EBF2: variants seen among roughly 807,000 people sequenced by gnomAD.
EBF2 encodes EBF transcription factor 2.
Under a neutral mutation model 72.8 loss-of-function variants are expected in EBF2, and 21 were observed. That is an observed-to-expected ratio of 0.29 (90% confidence interval 0.20 to 0.42). The LOEUF is 0.42. Among genes scored for constraint, EBF2 ranks in the 10% least tolerant of loss-of-function variants. EBF2 has a pLI of 1.00. For missense variants in EBF2, 637 were observed against 731.2 expected, an observed-to-expected ratio of 0.87 and a Z score of 1.49; for synonymous variants, 299 against 274.2, an observed-to-expected ratio of 1.09 and a Z score of -0.89.
intron 15 of EBF2, among the ~76,000 whole-genome samples, chr8:25,849,006 G>C (rs1019682489): frequency 5.9e-5 from 9 of 152,192 alleles, no homozygotes; most frequent in African/African-American, 2.2e-4. Flanking sequence ...CTAAGGATGG[G>C]ATGGAAACCA....
At chr8:25,903,821 G>A (rs1010369388) in intron 7 of EBF2, among the ~76,000 whole-genome samples, 3 of 152,230 alleles carry the variant, frequency 2.0e-5, no homozygotes, top group Non-Finnish European at 2.9e-5. Context: ...AATGAAAGAG[G>A]AGGGAATGAA....
At chr8:25,882,281 G>A (rs1430322819) in intron 10 of EBF2, among the ~76,000 whole-genome samples, 1 of 152,140 alleles carries the variant, frequency 6.6e-6, no homozygotes, top group African/African-American at 2.4e-5. Context: ...CCACAGCCCC[G>A]TCGCATGCCC....
chr8:25,856,224 G>A (rs1296122320), intron 14 of EBF2, among the ~76,000 whole-genome samples: 1 of 151,720 alleles, frequency 6.6e-6, no homozygotes, highest in African/African-American at 2.4e-5. Flanking sequence ...TCATTTTTAT[G>A]TACAAAAACA....
chr8:26,003,223 T>C (rs1159529479), intron 6 of EBF2, among the ~76,000 whole-genome samples: 1 of 152,178 alleles, frequency 6.6e-6, no homozygotes, highest in Non-Finnish European at 1.5e-5. Flanking sequence ...TATTGGGAAC[T>C]GAGCCTCTGG....
chr8:25,984,139 A>G (rs1006437194), intron 6 of EBF2, among the ~76,000 whole-genome samples: 4 of 152,184 alleles, frequency 2.6e-5, no homozygotes, highest in Admixed American at 2.0e-4. Context: ...GAATCCAAAT[A>G]AATTATTTCC....
chr8:25,978,753 T>C (rs1804308654), intron 6 of EBF2, among the ~76,000 whole-genome samples: 1 of 152,172 alleles, frequency 6.6e-6, no homozygotes, highest in African/African-American at 2.4e-5. Flanking sequence ...CATGGAGTAG[T>C]ATCAAATGCT....
At chr8:25,864,208 G>T (rs1257287678) in intron 10 of EBF2, among the ~76,000 whole-genome samples, 1 of 152,062 alleles carries the variant, frequency 6.6e-6, no homozygotes, top group Admixed American at 6.6e-5. Context: ...CACTCCTCAG[G>T]AGAATGTATG....
chr8:26,031,236 G>A (rs80236911), intron 6 of EBF2, among the ~76,000 whole-genome samples: 258 of 152,104 alleles, frequency 1.7e-3, no homozygotes, highest in African/African-American at 5.9e-3. Flanking sequence ...TCCACAGGCC[G>A]GAAAGGACAG....
chr8:25,982,029 C>G (rs936860012), intron 6 of EBF2, among the ~76,000 whole-genome samples: 2 of 152,076 alleles, frequency 1.3e-5, no homozygotes, highest in African/African-American at 4.8e-5. Flanking sequence ...CAAAAGGTAC[C>G]TAGCTGCATT....
chr8:26,027,373 A>G (rs563503186), intron 6 of EBF2, among the ~76,000 whole-genome samples: 1 of 152,218 alleles, frequency 6.6e-6, no homozygotes, highest in South Asian at 2.1e-4. Context: ...AGGGCCAATG[A>G]CAAGCCTGGA....
chr8:25,925,789 G>T (rs188505635), intron 6 of EBF2, among the ~76,000 whole-genome samples: 1 of 152,080 alleles, frequency 6.6e-6, no homozygotes, highest in East Asian at 1.9e-4. Context: ...CTTCACAGCC[G>T]ATCTGGGGCA....
chr8:26,005,561 T>TAGAGAGAGAGAGAGAGAGAG (rs1554481009), intron 6 of EBF2, among the ~76,000 whole-genome samples: 156 of 63,784 alleles, frequency 2.4e-3, no homozygotes, highest in Non-Finnish European at 3.0e-3. Flanking sequence ...TATATATATA[T>TAGAGAGAGAGAGAGAGAGAG]AGAGAGAGAG....
chr8:25,958,370 A>G (rs899938645), intron 6 of EBF2, among the ~76,000 whole-genome samples: 2 of 151,632 alleles, frequency 1.3e-5, no homozygotes, highest in Non-Finnish European at 2.9e-5. Flanking sequence ...CTAAACATAA[A>G]TGCACCTCCA....
intron 10 of EBF2, among the ~76,000 whole-genome samples, chr8:25,874,533 C>T (rs1371904903): frequency 1.3e-5 from 2 of 152,074 alleles, no homozygotes; most frequent in East Asian, 3.9e-4. Context: ...ATGTAGACCT[C>T]TAAGTTCTCT....
chr8:26,019,311 G>A (rs572554775), intron 6 of EBF2, among the ~76,000 whole-genome samples: 18 of 148,218 alleles, frequency 1.2e-4, no homozygotes, highest in African/African-American at 3.7e-4. Flanking sequence ...AAAAAAAAAG[G>A]TTGGCTTTGG....
chr8:25,895,103 G>T (rs1273552931), intron 7 of EBF2, among the ~76,000 whole-genome samples: 1 of 152,154 alleles, frequency 6.6e-6, no homozygotes, highest in African/African-American at 2.4e-5. Context: ...TTCTGCTGCT[G>T]ACACTGGTGA....
intron 10 of EBF2, among the ~76,000 whole-genome samples, chr8:25,873,876 A>C (rs896123307): frequency 6.6e-6 from 1 of 152,176 alleles, no homozygotes; most frequent in East Asian, 1.9e-4. Context: ...GTGCCAATCC[A>C]TTAAGGGGCT....
At chr8:25,846,238 ATT>A (rs35245247) in intron 15 of EBF2, among the ~76,000 whole-genome samples, 3 of 150,228 alleles carry the variant, frequency 2.0e-5, no homozygotes, top group African/African-American at 7.4e-5. Flanking sequence ...TTTTTATTTT[ATT>A]TTTTTTTTCC....
At chr8:25,987,391 T>C (rs1314173232) in intron 6 of EBF2, among the ~76,000 whole-genome samples, 1 of 152,174 alleles carries the variant, frequency 6.6e-6, no homozygotes, top group African/African-American at 2.4e-5. Flanking sequence ...TTCACACAGT[T>C]GGTAAGCAGT....
Sources: gnomAD v4.1 joint callset for allele counts (sites outside exome capture counted in the v4.1 genomes callset) on GRCh38, gnomAD v4.1.1 for gene constraint, MANE v1.5 for transcripts, NCBI Gene and HGNC (gene_info 2026-07-23, HGNC 2026-07-21) for gene names.